Variants in PHLDB1 observed in about 807,000 individuals in gnomAD.
PHLDB1 encodes pleckstrin homology like domain family B member 1.
PHLDB1 carries 65 observed loss-of-function variants against 139.3 expected under a neutral mutation model. That is an observed-to-expected ratio of 0.47 (90% CI 0.38 to 0.57). The LOEUF is 0.57. PHLDB1 is among the 20% of genes least tolerant of loss of function. The pLI, the probability that PHLDB1 is intolerant of heterozygous loss-of-function variation, is 0.00. For missense variants in PHLDB1, 1,624 were observed against 1,839.7 expected (o/e 0.88, Z 2.14); for synonymous variants, 679 against 734.5 (o/e 0.92, Z 1.22).
In PHLDB1 at chr11:118,655,895, A is replaced by G. The variant is rs1948986044; in HGVS notation, c.3993+3A>G. 2 of 1,607,544 alleles carry G rather than the reference A, an allele frequency of 1.2e-6. No individual in the cohort carries two copies. The highest frequency in any genetic ancestry group is 1.7e-6 in the Non-Finnish European group (2 of 1,174,322). On this transcript the variant is annotated splice_donor_region_variant and intron_variant, in intron 22 of 22. Coordinates refer to ENST00000600882, the MANE Select transcript of PHLDB1 (RefSeq NM_001144758.3). ...TCCGCTTCACTATGGTGACTGAGGT[A>G]CCCCTCCCCACTTAGCTGTAACCAG...
intron 4 of PHLDB1, among the ~76,000 whole-genome samples, chr11:118,622,935 G>A (rs1009131031): frequency 6.6e-6 from 1 of 152,144 alleles, no homozygotes; most frequent in Non-Finnish European, 1.5e-5. Flanking sequence ...CTGCCTGGGA[G>A]GGCCTTTGTG....
At chr11:118,635,778 C>A (rs183319576) in intron 10 of PHLDB1, among the ~76,000 whole-genome samples, 1 of 152,378 alleles carries the variant, frequency 6.6e-6, no homozygotes, top group East Asian at 1.9e-4. Flanking sequence ...TCTGACTCCC[C>A]TCAGTCTTCC....
intron 1 of PHLDB1, 113 bp from the exon 2 acceptor site, chr11:118,613,703 G>T: frequency 1.5e-6 from 1 of 654,448 alleles, no homozygotes; most frequent in Non-Finnish European, 2.6e-6. Flanking sequence ...TGAGCATTTG[G>T]GGAATGATGG....
chr11:118,640,125 G>A (rs1946276430), intron 12 of PHLDB1: 1 of 424,388 alleles, frequency 2.4e-6, no homozygotes, highest in Non-Finnish European at 3.2e-6. Context: ...TTTCTTGGCT[G>A]GCCAGAGTTT....
chr11:118,622,725 A>T (rs993123349), intron 4 of PHLDB1, among the ~76,000 whole-genome samples: 13 of 152,076 alleles, frequency 8.5e-5, no homozygotes, highest in Non-Finnish European at 4.4e-5. Flanking sequence ...TGAACTCATC[A>T]CCAGTAGGCT....
Position 118,608,632 on chromosome 11 carries a change from G to C in PHLDB1, c.-22+933G>C, listed in dbSNP as rs1324379751. On this transcript the variant is annotated intron_variant, in intron 1 of 22. Transcript: ENST00000600882. This position sits in a 1 kb window ranked among gnomAD's most constrained non-coding sequence, Gnocchi z 6.7. ...TCCCGAGGCTGACTCATCGGGCGGC[G>C]GGCTCACCCCCCAGCCGTCAAACGC... is the stretch of plus-strand genomic sequence containing the variant. Among the ~76,000 whole-genome samples the C allele has an allele frequency of 3.3e-5, 5 of 152,098 alleles. No homozygotes were observed. Among genetic ancestry groups the C allele is most frequent in the Non-Finnish European group, 7.4e-5 (5 of 67,976 alleles).
Position 118,614,762 on chromosome 11 carries a change from G to C in PHLDB1, c.184+80G>C. 6 of 1,458,718 alleles carry C rather than the reference G, an allele frequency of 4.1e-6. No homozygotes were observed. The South Asian group carries it at 7.5e-5, about 18-fold the overall frequency. The allele number at this position is 1,458,718 out of a possible 1,614,324, so 90.4% of individuals were successfully genotyped here. ...TGCCCTGGAGGCCCACCTCCTGCAT[G>C]TGTTGGGGCCCTTCTACTGTCTGCT... On this transcript the variant is annotated intron_variant, in intron 3 of 22. Coordinates refer to ENST00000600882, the MANE Select transcript of PHLDB1 (RefSeq NM_001144758.3).
At position 118,620,064 on chromosome 11, in the gene PHLDB1, C is replaced by A. The variant is rs1942451248; in HGVS notation, c.355+3853C>A. ...TGACTGAGCAAGTGTTGGTGTGTAT[C>A]TGAGAGACACTGTGTCAGGCTGTGT... On this transcript the variant is annotated intron_variant, in intron 4 of 22. Transcript: ENST00000600882. The surrounding 1 kb of genome is among the most constrained non-coding windows in gnomAD (Gnocchi z 4.1). Among the ~76,000 whole-genome samples, 1 of 152,168 alleles carries A rather than the reference C, an allele frequency of 6.6e-6. No individual in the cohort carries two copies. The highest frequency in any genetic ancestry group is 1.5e-5 in the Non-Finnish European group (1 of 68,030).
Position 118,650,990 on chromosome 11 carries a change from G to A in PHLDB1, c.3874+443G>A, listed in dbSNP as rs560724728. 1.5e-5 allele frequency: 3 copies of A among 200,402 alleles called. No homozygotes were observed. Among genetic ancestry groups the A allele is most frequent in the Non-Finnish European group, 3.1e-5 (3 of 97,086 alleles). 12.4% of individuals were successfully genotyped at this position (200,402 alleles called of 1,614,324 possible). On this transcript the variant is annotated intron_variant, in intron 20 of 22. Transcript: ENST00000600882. The surrounding 1 kb of genome is among the most constrained non-coding windows in gnomAD (Gnocchi z 4.7). ...TCCATCAGAGATTCCAAGACAAGCA[G>A]TTGAACAGTGCCAAAGAGTGCTCAG...
chr11:118,609,239 C>A (rs1939684409), intron 1 of PHLDB1, among the ~76,000 whole-genome samples: 1 of 148,338 alleles, frequency 6.7e-6, no homozygotes, highest in East Asian at 2.0e-4. Flanking sequence ...ACACACGCAG[C>A]CCGTCACACA....
Position 118,610,724 on chromosome 11 carries a change from C to T in PHLDB1, c.-22+3025C>T, listed in dbSNP as rs1555083200. Among the ~76,000 whole-genome samples the T allele has an allele frequency of 6.6e-6, 1 of 152,208 alleles. No individual in the cohort carries two copies. Among genetic ancestry groups the T allele is most frequent in the East Asian group, 1.9e-4 (1 of 5,192 alleles). On this transcript the variant is annotated intron_variant, in intron 1 of 22. Transcript: ENST00000600882. This position sits in a 1 kb window ranked among gnomAD's most constrained non-coding sequence, Gnocchi z 8.7. ...TCCTTCAGGCGGGGGCCAAGACCCC[C>T]GAGAGTTCACTCTGGGTGCTCCACT...
At position 118,645,159 on chromosome 11, in the gene PHLDB1, G is replaced by T. The variant is rs80037296; in HGVS notation, c.3122-197G>T. 2.0e-6 allele frequency: 1 copy of T among 502,860 alleles called. No homozygotes were observed. The highest frequency in any genetic ancestry group is 3.5e-6 in the Non-Finnish European group (1 of 288,650). The allele number at this position is 502,860 out of a possible 1,614,324, so 31.1% of individuals were successfully genotyped here. On this transcript the variant is annotated intron_variant, in intron 15 of 22. Coordinates refer to ENST00000600882, the MANE Select transcript of PHLDB1 (RefSeq NM_001144758.3). The surrounding 1 kb of genome is among the most constrained non-coding windows in gnomAD (Gnocchi z 5.1). ...GAAGCCAGACTGTGCATCTGTGGCC[G>T]GTTGTGCAGGCGACTGAAGCATTGG...
chr11:118,638,308 TG>T lies in PHLDB1; in HGVS notation c.2536-582del, dbSNP rs569660025. 6.3e-3 allele frequency among the ~76,000 whole-genome samples: 964 copies of T among 152,340 alleles called. 7 individuals are homozygous for T. The highest frequency in any genetic ancestry group is 8.5e-3 in the Non-Finnish European group (581 of 68,032). ...TATCCTGTGTGTAATGAGGAGCCAC[TG>T]AAAGATTTTGAGGAGAGGCATGATC... is the stretch of plus-strand genomic sequence containing the variant. On this transcript the variant is annotated intron_variant, in intron 10 of 22. Transcript: ENST00000600882.
At chr11:118,628,855 A>G (rs1482596274) in intron 6 of PHLDB1, among the ~76,000 whole-genome samples, 1 of 152,270 alleles carries the variant, frequency 6.6e-6, no homozygotes, top group Non-Finnish European at 1.5e-5. Flanking sequence ...CTAAGACTTT[A>G]TTTTAAATTC....
intron 12 of PHLDB1, chr11:118,641,569 C>T (rs1336530593): frequency 5.1e-6 from 6 of 1,185,556 alleles, no homozygotes; most frequent in Non-Finnish European, 5.5e-6. Flanking sequence ...TGTTCTGGTT[C>T]CATTAACCTC....
rs539956589 is a variant in PHLDB1, at chr11:118,618,324, C to T, written c.355+2113C>T. 4.6e-5 allele frequency among the ~76,000 whole-genome samples: 7 copies of T among 152,262 alleles called. No individual in the cohort carries two copies. The East Asian group carries it at 1.4e-3, about 29-fold the overall frequency. The stretch of plus-strand genomic sequence containing the variant: ...GTTCTTCTCCCCAGTCCTCCCCCTC[C>T]CCTGGGCTCCAGGAGCTGAGGGTTT... On this transcript the variant is annotated intron_variant, in intron 4 of 22. Transcript: ENST00000600882.
chr11:118,628,135 C>A lies in PHLDB1; in HGVS notation c.1312C>A (p.Leu438Met). The A allele has an allele frequency of 6.2e-7, 1 of 1,614,138 alleles. No homozygotes were observed. Among genetic ancestry groups the A allele is most frequent in the Non-Finnish European group, 8.5e-7 (1 of 1,180,020 alleles). The change falls in exon 6 of 23, where the codon CTG becomes ATG. Residue 438 changes from leucine (L) to methionine (M), a missense_variant. By Grantham distance (15) the Leu-to-Met change is conservative. Transcript: ENST00000600882. Reference protein sequence around the residue: ...TFSDGLATRTLQPPESPRLGR... With the variant: ...TFSDGLATRTMQPPESPRLGR... Reference sequence around the variant, plus strand: ...TTCAGATGGGTTAGCCACCCGTACCCTGCAGCCTCCTGAGAGTCCCCGCCT... The same window carrying A: ...TTCAGATGGGTTAGCCACCCGTACCATGCAGCCTCCTGAGAGTCCCCGCCT...
chr11:118,648,746 A>G (rs1947929654), intron 18 of PHLDB1, among the ~76,000 whole-genome samples: 1 of 152,212 alleles, frequency 6.6e-6, no homozygotes, highest in Non-Finnish European at 1.5e-5. Flanking sequence ...AATTGAAAGC[A>G]GAAGGAGAAA....
chr11:118,635,067 C>G, intron 9 of PHLDB1: 1 of 504,782 alleles, frequency 2.0e-6, no homozygotes, highest in Non-Finnish European at 3.8e-6. Context: ...TTCCACCGCC[C>G]CCCCTCCCCC....
Sources: allele counts gnomAD v4.1 joint callset (sites outside exome capture counted in the v4.1 genomes callset), GRCh38; gene constraint gnomAD v4.1.1; non-coding constraint Gnocchi (gnomAD v3.1); transcripts MANE v1.5; gene names NCBI Gene and HGNC (gene_info 2026-07-23, HGNC 2026-07-21).